SUCLG2: variants seen among roughly 807,000 people sequenced by gnomAD.
The protein encoded by SUCLG2 is succinate-CoA ligase GDP-forming subunit beta, also known as succinate--CoA ligase [GDP-forming] subunit beta, mitochondrial.
In SUCLG2, 42 loss-of-function variants were observed where a neutral mutation model predicts 47.9. The observed-to-expected ratio is 0.88, with a 90% CI of 0.69 to 1.14. The LOEUF (loss-of-function observed/expected upper bound fraction) is 1.14. Among genes scored for constraint, SUCLG2 ranks in the 50% most tolerant of loss-of-function variants. SUCLG2 has a pLI of 0.00. For synonymous variants in SUCLG2, 195 were observed against 197.3 expected, an observed-to-expected ratio of 0.99 and a Z score of 0.10; for missense variants, 571 against 525.9, an observed-to-expected ratio of 1.09 and a Z score of -0.84.
chr3:67,431,594 T>C (rs996823405), intron 9 of SUCLG2, among the ~76,000 whole-genome samples: 1 of 152,092 alleles, frequency 6.6e-6, no homozygotes, highest in African/African-American at 2.4e-5. Context: ...TGTAGGGACA[T>C]GGATGAAGCT....
chr3:67,424,113 G>A (rs986552339), intron 9 of SUCLG2, among the ~76,000 whole-genome samples: 7 of 152,232 alleles, frequency 4.6e-5, no homozygotes, highest in African/African-American at 1.4e-4. Context: ...AAAAAGGTCA[G>A]TGAATGACAA....
chr3:67,648,316 TAA>T (rs2107382660), intron 1 of SUCLG2, among the ~76,000 whole-genome samples: 1 of 152,256 alleles, frequency 6.6e-6, no homozygotes, highest in South Asian at 2.1e-4. Flanking sequence ...GGAAGGTGGA[TAA>T]GAGTCCAGAA....
intron 9 of SUCLG2, among the ~76,000 whole-genome samples, chr3:67,433,963 C>T (rs1050154995): frequency 1.3e-5 from 2 of 152,004 alleles, no homozygotes; most frequent in East Asian, 1.9e-4. Context: ...TCAATACCTA[C>T]GAGAACTCTG....
chr3:67,487,579 T>C (rs1490590414), intron 9 of SUCLG2, among the ~76,000 whole-genome samples: 1 of 147,956 alleles, frequency 6.8e-6, no homozygotes, highest in Admixed American at 6.7e-5. Flanking sequence ...AATGGAAAAC[T>C]AGACAAAAAA....
chr3:67,591,279 G>A (rs963828561), intron 2 of SUCLG2, among the ~76,000 whole-genome samples: 13 of 152,172 alleles, frequency 8.5e-5, no homozygotes, highest in Non-Finnish European at 1.6e-4. Context: ...TGCAAAATGA[G>A]CTGGCAGGTG....
At chr3:67,390,649 A>AG (rs1702359732) in intron 10 of SUCLG2, among the ~76,000 whole-genome samples, 1 of 142,182 alleles carries the variant, frequency 7.0e-6, no homozygotes, top group African/African-American at 2.7e-5. Context: ...ATCTGAAATG[A>AG]GGGTTTTTTT....
At chr3:67,455,347 C>T (rs374586705) in intron 9 of SUCLG2, among the ~76,000 whole-genome samples, 3 of 152,250 alleles carry the variant, frequency 2.0e-5, no homozygotes, top group South Asian at 2.1e-4. Flanking sequence ...GCACATCAGG[C>T]GTTATTTCAC....
chr3:67,503,614 G>C (rs986611415), intron 7 of SUCLG2, among the ~76,000 whole-genome samples: 7 of 152,128 alleles, frequency 4.6e-5, no homozygotes, highest in African/African-American at 1.4e-4. Context: ...GATTGTCAAC[G>C]TCACATTAAT....
intron 2 of SUCLG2, among the ~76,000 whole-genome samples, chr3:67,564,065 G>C (rs991669037): frequency 3.3e-5 from 5 of 151,392 alleles, no homozygotes; most frequent in Admixed American, 1.3e-4. Flanking sequence ...TAGAGGGAGA[G>C]GGATAAAAAG....
Position 67,634,147 on chromosome 3 carries a change from C to A in SUCLG2, c.84+20356G>T, listed in dbSNP as rs144991221. ...TCGTATCCACATGATCCTGCATCGT[C>A]TAGCTTCTTCATAGCCAGTATATTG... On this transcript the variant is annotated intron_variant, in intron 1 of 10. Coordinates refer to ENST00000307227, the MANE Select transcript of SUCLG2 (RefSeq NM_003848.4). 3.9e-5 allele frequency among the ~76,000 whole-genome samples: 6 copies of A among 152,334 alleles called. No individual in the cohort carries two copies. The East Asian group carries it at 1.2e-3, about 29-fold the overall frequency.
In SUCLG2 at chr3:67,514,224, C is replaced by A. The variant is rs1001707711; in HGVS notation, c.660+4023G>T. On this transcript the variant is annotated intron_variant, in intron 6 of 10. Coordinates refer to ENST00000307227, the MANE Select transcript of SUCLG2 (RefSeq NM_003848.4). The stretch of plus-strand genomic sequence containing the variant: ...TGGGAGCTTTGTGTGGAATTAGGCA[C>A]CTGTTCTTCTGGTATGATGTATTCA... 2.1e-5 allele frequency: 8 copies of A among 379,208 alleles called. No individual in the cohort carries two copies. In the Admixed American group the frequency reaches 2.4e-4, roughly 11 times the overall value. 23.5% of individuals were successfully genotyped at this position (379,208 alleles called of 1,614,324 possible).
At chr3:67,596,177 G>A (rs1056029822) in intron 2 of SUCLG2, among the ~76,000 whole-genome samples, 2 of 152,282 alleles carry the variant, frequency 1.3e-5, no homozygotes, top group South Asian at 2.1e-4. Context: ...CCCTTGACGG[G>A]TTGTCTATAG....
chr3:67,637,793 G>A (rs1575835242), intron 1 of SUCLG2, among the ~76,000 whole-genome samples: 1 of 152,152 alleles, frequency 6.6e-6, no homozygotes, highest in Non-Finnish European at 1.5e-5. Context: ...ATCCATGCCA[G>A]TAACTTTTGA....
downstream of SUCLG2, among the ~76,000 whole-genome samples, chr3:67,370,362 TA>T (rs1162128204): frequency 2.0e-5 from 3 of 152,162 alleles, no homozygotes; most frequent in Admixed American, 1.3e-4. Flanking sequence ...AAAATTCTTT[TA>T]AAAAAATAAT....
chr3:67,478,500 A>G lies in SUCLG2; in HGVS notation c.1062+17298T>C, dbSNP rs374462925. 7.9e-5 allele frequency among the ~76,000 whole-genome samples: 12 copies of G among 152,332 alleles called. No homozygotes were observed. In the East Asian group the frequency reaches 1.7e-3, roughly 22 times the overall value. On this transcript the variant is annotated intron_variant, in intron 9 of 10. Transcript: ENST00000307227. Reference sequence around the variant, plus strand: ...TGAATATTAAACAAACAAATGAAAAATCCTAAAAATGGAAAACTAATATGC... The same window carrying G: ...TGAATATTAAACAAACAAATGAAAAGTCCTAAAAATGGAAAACTAATATGC...
intron 1 of SUCLG2, among the ~76,000 whole-genome samples, chr3:67,644,073 T>C (rs548778114): frequency 3.9e-5 from 6 of 152,320 alleles, no homozygotes; most frequent in Non-Finnish European, 7.3e-5. Context: ...TATTTCTTAA[T>C]AGACATTTTA....
At chr3:67,402,671 A>G (rs1303027843) in intron 9 of SUCLG2, among the ~76,000 whole-genome samples, 1 of 152,168 alleles carries the variant, frequency 6.6e-6, no homozygotes, top group East Asian at 1.9e-4. Flanking sequence ...CATGATAGAA[A>G]CTCAGGACCT....
At chr3:67,599,684 T>G (rs1004422882) in intron 2 of SUCLG2, among the ~76,000 whole-genome samples, 37 of 150,490 alleles carry the variant, frequency 2.5e-4, no homozygotes, top group African/African-American at 8.4e-4. Context: ...CATGCTGAAG[T>G]GACTGGTATA....
intron 9 of SUCLG2, among the ~76,000 whole-genome samples, chr3:67,422,461 G>A (rs181135523): frequency 0.017 from 963 of 58,290 alleles, 9 homozygotes; most frequent in Non-Finnish European, 0.025. Context: ...GTGACAGAGC[G>A]AGACTCCATC....
Sources: gnomAD v4.1 joint callset for allele counts (sites outside exome capture counted in the v4.1 genomes callset) on GRCh38, gnomAD v4.1.1 for gene constraint, MANE v1.5 for transcripts, NCBI Gene and HGNC (gene_info 2026-07-23, HGNC 2026-07-21) for gene names.